Variants in MACF1 observed in about 807,000 individuals in gnomAD.
MACF1 encodes microtubule actin crosslinking factor 1, also known as microtubule-actin cross-linking factor 1.
MACF1 carries 193 observed loss-of-function variants against 854.8 expected under a neutral mutation model. The ratio of observed to expected loss-of-function variants is 0.23; its 90% confidence interval spans 0.20 to 0.25. The LOEUF is 0.25. Among genes scored for constraint, MACF1 ranks in the 10% least tolerant of loss-of-function variants. The pLI is 1.00. For missense variants in MACF1, 7,722 were observed against 8,929.1 expected, an observed-to-expected ratio of 0.86 and a Z score of 5.45; for synonymous variants, 3,185 against 3,226.7, an observed-to-expected ratio of 0.99 and a Z score of 0.44.
intron 96 of MACF1, 48 bp from the exon 97 acceptor site, chr1:39,469,499 G>T: frequency 7.0e-7 from 1 of 1,424,806 alleles, no homozygotes; most frequent in South Asian, 1.2e-5. Context: ...TAGTTTCTGC[G>T]TTTCCTGCCC....
chr1:39,253,100 G>A (rs899983158), intron 4 of MACF1, among the ~76,000 whole-genome samples: 12 of 152,144 alleles, frequency 7.9e-5, no homozygotes, highest in Admixed American at 1.3e-4. Flanking sequence ...TATAAGCAAC[G>A]TTAGAAAGTA....
At chr1:39,467,856 C>T (rs1466418538) in intron 95 of MACF1, 1 of 152,100 alleles carries the variant, frequency 6.6e-6, no homozygotes, top group Non-Finnish European at 1.5e-5. Flanking sequence ...GCAAAGGTTT[C>T]CTTAAGGCTT....
chr1:39,475,468 CAAA>C (rs71691475), intron 97 of MACF1, among the ~76,000 whole-genome samples: 2 of 121,150 alleles, frequency 1.7e-5, no homozygotes, highest in Admixed American at 8.7e-5. Context: ...GACCCTGTCT[CAAA>C]AAAAAAAAAA....
At chr1:39,247,881 T>C (rs938843212) in intron 2 of MACF1, among the ~76,000 whole-genome samples, 45 of 151,736 alleles carry the variant, frequency 3.0e-4, no homozygotes, top group African/African-American at 1.1e-3. Context: ...AATTAGCTGA[T>C]TGTGGTGGTG....
At chr1:39,284,763 C>T (rs988362019) in intron 11 of MACF1, among the ~76,000 whole-genome samples, 7 of 152,038 alleles carry the variant, frequency 4.6e-5, no homozygotes, top group African/African-American at 1.7e-4. Context: ...ATTTGATTCC[C>T]AGAGAATTTG....
chr1:39,244,924 G>A (rs766643716), intron 2 of MACF1, among the ~76,000 whole-genome samples: 6 of 152,038 alleles, frequency 3.9e-5, no homozygotes, highest in Non-Finnish European at 7.4e-5. Flanking sequence ...TGTTGGTCAG[G>A]GTGGTCTCCA....
chr1:39,256,655 C>T (rs1645100163), intron 5 of MACF1, among the ~76,000 whole-genome samples: 1 of 152,112 alleles, frequency 6.6e-6, no homozygotes, highest in Non-Finnish European at 1.5e-5. Flanking sequence ...AGTTCCACGT[C>T]CCAGGAAATT....
chr1:39,416,511 A>G lies in MACF1; in HGVS notation c.15817-5863A>G, dbSNP rs1018242598. On this transcript the variant is annotated intron_variant, in intron 58 of 100. Coordinates refer to ENST00000564288, the MANE Select transcript of MACF1 (RefSeq NM_001394062.1). ...ATAAAAAGAAAAAAAAAAAAACAGA[A>G]TATCTCCAGTATAAAGCTTATATAG... is the stretch of plus-strand genomic sequence containing the variant. Among the ~76,000 whole-genome samples the G allele has an allele frequency of 2.6e-5, 4 of 152,154 alleles. No individual in the cohort carries two copies. In the East Asian group the frequency reaches 5.8e-4, roughly 22 times the overall value.
chr1:39,190,522 TAAC>T (rs1445207297), intron 2 of MACF1, among the ~76,000 whole-genome samples: 1 of 150,780 alleles, frequency 6.6e-6, no homozygotes, highest in African/African-American at 2.4e-5. Context: ...TATTTTTTCA[TAAC>T]AACAGGGTTT....
Position 39,331,931 on chromosome 1 carries a change from A to G in MACF1, c.5343A>G (p.Gly1781=). The stretch of plus-strand genomic sequence containing the variant: ...GTGGCATAGTAGATCCAAGAACAGG[A>G]CACAGACTTACAGTGGAAGAGGCTG... The part of the protein sequence containing the change: ...FAGGIVDPRT[G]HRLTVEEAVR... The change falls in exon 37 of 101, where the codon GGA becomes GGG. Residue 1781 remains glycine (G), a synonymous_variant. Transcript: ENST00000564288. 6.2e-7 allele frequency: 1 copy of G among 1,614,096 alleles called. No individual in the cohort carries two copies. The highest frequency in any genetic ancestry group is 8.5e-7 in the Non-Finnish European group (1 of 1,180,006).
chr1:39,194,404 A>C (rs1436592700), intron 2 of MACF1, among the ~76,000 whole-genome samples: 1 of 125,450 alleles, frequency 8.0e-6, no homozygotes, highest in Admixed American at 9.3e-5. Flanking sequence ...CCCAAGCTGG[A>C]GTGCAGTGGC....
At chr1:39,198,023 C>T (rs951533429) in intron 2 of MACF1, among the ~76,000 whole-genome samples, 1 of 151,934 alleles carries the variant, frequency 6.6e-6, no homozygotes, top group Non-Finnish European at 1.5e-5. Flanking sequence ...CATGGCAAAA[C>T]CCCATCTCTG....
chr1:39,446,413 A>G (rs1363962691), intron 80 of MACF1, among the ~76,000 whole-genome samples: 1 of 151,836 alleles, frequency 6.6e-6, no homozygotes, highest in Non-Finnish European at 1.5e-5. Context: ...AAACATTTCT[A>G]TATATATTTG....
intron 2 of MACF1, among the ~76,000 whole-genome samples, chr1:39,118,877 TCTC>T (rs1019531546): frequency 1.6e-4 from 24 of 152,088 alleles, no homozygotes; most frequent in Non-Finnish European, 2.4e-4. Flanking sequence ...CATCCTTTTG[TCTC>T]CTCCTCCTCC....
At chr1:39,263,744 T>A (rs1645193007) in intron 6 of MACF1, among the ~76,000 whole-genome samples, 1 of 151,334 alleles carries the variant, frequency 6.6e-6, no homozygotes, top group Non-Finnish European at 1.5e-5. Flanking sequence ...CTTTGGTATA[T>A]CCTTTCTTTC....
rs757631110 is a variant in MACF1, at chr1:39,332,686, G to A, written c.6098G>A (p.Ser2033Asn). The A allele has an allele frequency of 8.1e-6, 13 of 1,614,084 alleles. No individual in the cohort carries two copies. The African/African-American group carries it at 1.3e-4, about 17-fold the overall frequency. Residue 2033 changes from serine to asparagine, a missense_variant, in exon 37 of 101, where the codon AGT becomes AAT. Ser to Asn is a conservative substitution (Grantham distance 46). Transcript: ENST00000564288. ...GTGAAAATCTCAGGAACTTTCAGCA[G>A]TGGGTGGACTGTGAGGCTGCCTGAG... is the stretch of plus-strand genomic sequence containing the variant. ...ANVKISGTFS[S>N]GWTVRLPEFQ...
intron 47 of MACF1, among the ~76,000 whole-genome samples, chr1:39,360,014 T>TAA (rs1647997385): frequency 4.4e-5 from 1 of 22,486 alleles, no homozygotes; most frequent in Non-Finnish European, 7.5e-5. Context: ...AAAAAAAAAA[T>TAA]ATATATATAT....
At chr1:39,381,457 C>T (rs1484048556) in intron 55 of MACF1, among the ~76,000 whole-genome samples, 1 of 149,496 alleles carries the variant, frequency 6.7e-6, no homozygotes, top group Admixed American at 6.8e-5. Flanking sequence ...GCCTCGACTT[C>T]CCTGGCTCAA....
intron 97 of MACF1, among the ~76,000 whole-genome samples, chr1:39,477,135 T>TACACAC (rs1553458204): frequency 0.03 from 3,133 of 103,352 alleles, 313 homozygotes; most frequent in Non-Finnish European, 0.037. Context: ...TATATATATA[T>TACACAC]ACACACACAC....
Sources: allele counts gnomAD v4.1 joint callset (sites outside exome capture counted in the v4.1 genomes callset), GRCh38; gene constraint gnomAD v4.1.1; transcripts MANE v1.5; gene names NCBI Gene and HGNC (gene_info 2026-07-23, HGNC 2026-07-21).